MARK1: variants seen among roughly 807,000 people sequenced by gnomAD.
MARK1 encodes microtubule affinity regulating kinase 1, also known as serine/threonine-protein kinase MARK1.
MARK1 carries 40 observed loss-of-function variants against 96.3 expected under a neutral mutation model. The ratio of observed to expected loss-of-function variants is 0.42; its 90% CI spans 0.32 to 0.54. MARK1 has a LOEUF of 0.54. MARK1 is among the 20% of genes least tolerant of loss of function. MARK1 has a pLI of 0.16. For synonymous variants in MARK1, 317 were observed against 341.2 expected, an observed-to-expected ratio of 0.93 and a Z score of 0.78; for missense variants, 719 against 984.6, an observed-to-expected ratio of 0.73 and a Z score of 3.61.
intron 1 of MARK1, among the ~76,000 whole-genome samples, chr1:220,531,911 C>CT (rs975163391): frequency 6.6e-6 from 1 of 151,926 alleles, no homozygotes. Flanking sequence ...AAAGATTTCT[C>CT]TTTTTTTCTT....
At chr1:220,652,226 G>A in intron 15 of MARK1, 76 bp downstream of exon 15, 1 of 1,215,346 alleles carries the variant, frequency 8.2e-7, no homozygotes, top group Non-Finnish European at 1.2e-6. Context: ...ATACATGATA[G>A]TCACCATCAC....
At chr1:220,616,909 A>G (rs762588298) in intron 7 of MARK1, among the ~76,000 whole-genome samples, 4 of 152,192 alleles carry the variant, frequency 2.6e-5, no homozygotes, top group Admixed American at 6.5e-5. Context: ...AAAAATAATC[A>G]TGTTCAAAAC....
rs1337856487 is a variant in MARK1, at chr1:220,654,915, G to A, written c.1988+1563G>A. Among the ~76,000 whole-genome samples, 3 of 152,328 alleles carry A rather than the reference G, an allele frequency of 2.0e-5. No individual in the cohort carries two copies. The highest frequency in any genetic ancestry group is 4.1e-4 in the South Asian group (2 of 4,828). ...TGCCAAAGCAAGAAAGTGCCTTAGA[G>A]CTGGTCTGTTGGGAGGTTCTGATAA... On this transcript the variant is annotated intron_variant, in intron 16 of 17. Coordinates refer to ENST00000366917, the MANE Select transcript of MARK1 (RefSeq NM_018650.5). The surrounding 1 kb of genome is among the most constrained non-coding windows in gnomAD (Gnocchi z 4.0).
At chr1:220,641,331 C>T (rs910965110) in intron 13 of MARK1, among the ~76,000 whole-genome samples, 32 of 152,142 alleles carry the variant, frequency 2.1e-4, no homozygotes, top group African/African-American at 7.7e-4. Flanking sequence ...AGGGCCCTCA[C>T]GAATGGGATT....
At chr1:220,530,582 G>T (rs1477485573) in intron 1 of MARK1, among the ~76,000 whole-genome samples, 1 of 152,112 alleles carries the variant, frequency 6.6e-6, no homozygotes, top group Non-Finnish European at 1.5e-5. Context: ...TCTCATACTT[G>T]TATGAATAAG....
chr1:220,546,330 T>A (rs1661489753), intron 1 of MARK1, among the ~76,000 whole-genome samples: 1 of 152,174 alleles, frequency 6.6e-6, no homozygotes, highest in African/African-American at 2.4e-5. Flanking sequence ...TTCACTGTGG[T>A]GGTATGTATT....
intron 2 of MARK1, 134 bp from the exon 3 acceptor site, chr1:220,580,931 A>G (rs1572118177): frequency 8.3e-6 from 3 of 360,608 alleles, no homozygotes; most frequent in Non-Finnish European, 5.2e-6. Flanking sequence ...AAATGTTACT[A>G]TCTGATTATG....
chr1:220,648,358 A>T (rs1428748910), intron 13 of MARK1, among the ~76,000 whole-genome samples: 2 of 152,220 alleles, frequency 1.3e-5, no homozygotes, highest in Non-Finnish European at 2.9e-5. Context: ...TGATAACTAG[A>T]TCTTTTTTAT....
At chr1:220,626,510 G>A (rs1667343885) in intron 9 of MARK1, 3 of 525,284 alleles carry the variant, frequency 5.7e-6, no homozygotes, top group Non-Finnish European at 1.2e-5. Flanking sequence ...GACTGGTTAG[G>A]TTGCTTCAAT....
chr1:220,605,971 A>G (rs1472062004), intron 6 of MARK1, among the ~76,000 whole-genome samples: 2 of 152,168 alleles, frequency 1.3e-5, no homozygotes, highest in Admixed American at 6.5e-5. Flanking sequence ...GCCACAATAA[A>G]CATATGTGTG....
rs200437468 is a variant in MARK1, at chr1:220,618,269, G to A, written c.553-41G>A. 81 of 1,228,754 alleles carry A rather than the reference G, an allele frequency of 6.6e-5. 1 individual carries two copies. The East Asian group carries it at 8.9e-4, about 13-fold the overall frequency. 76.1% of individuals were successfully genotyped at this position (1,228,754 alleles called of 1,614,324 possible). ...TCTTTTACAAATATTTTTATTTTAT[G>A]TAGGCTTTTTACATTGTTCTTTCTA... On this transcript the variant is annotated intron_variant, in intron 7 of 17. Transcript: ENST00000366917. This position sits in a 1 kb window ranked among gnomAD's most constrained non-coding sequence, Gnocchi z 4.6.
In MARK1 at chr1:220,663,119, A is replaced by G. The variant is rs1402914164; in HGVS notation, c.*953A>G. On this transcript the variant is annotated 3_prime_UTR_variant, in exon 18 of 18. Coordinates refer to ENST00000366917, the MANE Select transcript of MARK1 (RefSeq NM_018650.5). ...AATGCATCAGTTAAGAAATAATGCC[A>G]CCTCAGGAATTAACTGGCATTGGGA... The G allele has an allele frequency of 6.6e-6, 1 of 152,626 alleles. No homozygotes were observed. Among genetic ancestry groups the G allele is most frequent in the Non-Finnish European group, 1.5e-5 (1 of 68,034 alleles). The allele number at this position is 152,626 out of a possible 1,614,324, so 9.5% of individuals were successfully genotyped here.
intron 3 of MARK1, among the ~76,000 whole-genome samples, chr1:220,598,052 T>G (rs1665493279): frequency 6.6e-6 from 1 of 152,160 alleles, no homozygotes; most frequent in Non-Finnish European, 1.5e-5. Context: ...AGTTTTACTG[T>G]GTATAGTGTA....
intron 6 of MARK1, among the ~76,000 whole-genome samples, chr1:220,604,809 G>A (rs1452092831): frequency 6.6e-6 from 1 of 151,988 alleles, no homozygotes. Flanking sequence ...TAGCAAATTA[G>A]TGAATTGTAA....
rs1558327650 is a variant in MARK1, at chr1:220,654,220, AT to A, written c.1988+869del. On this transcript the variant is annotated intron_variant, in intron 16 of 17. Transcript: ENST00000366917. The surrounding 1 kb of genome is among the most constrained non-coding windows in gnomAD (Gnocchi z 4.0). Reference sequence around the variant, plus strand: ...TCCAGAGGAAGACACAATTGTTTCTATCTAGGGAGACAGTGAAGGCACCCTA... The same window carrying A: ...TCCAGAGGAAGACACAATTGTTTCTACTAGGGAGACAGTGAAGGCACCCTA... Among the ~76,000 whole-genome samples, 1 of 152,252 alleles carries A rather than the reference AT, an allele frequency of 6.6e-6. No individual in the cohort carries two copies. The highest frequency in any genetic ancestry group is 1.5e-5 in the Non-Finnish European group (1 of 68,040).
At chr1:220,554,457 A>C (rs1352400203) in intron 1 of MARK1, among the ~76,000 whole-genome samples, 1 of 152,182 alleles carries the variant, frequency 6.6e-6, no homozygotes, top group Non-Finnish European at 1.5e-5. Context: ...ATGCTGTTAC[A>C]CTTCTTATAA....
chr1:220,578,040 A>G (rs1309795495), intron 1 of MARK1, among the ~76,000 whole-genome samples: 1 of 152,224 alleles, frequency 6.6e-6, no homozygotes, highest in South Asian at 2.1e-4. Flanking sequence ...TGGTAAATGG[A>G]TTCCTCTTTA....
intron 1 of MARK1, among the ~76,000 whole-genome samples, chr1:220,534,381 G>A (rs1307029870): frequency 6.6e-6 from 1 of 151,914 alleles, no homozygotes; most frequent in East Asian, 1.9e-4. Flanking sequence ...TTGAACACGA[G>A]GTCTTTTTCC....
At chr1:220,571,094 A>G (rs1663421074) in intron 1 of MARK1, among the ~76,000 whole-genome samples, 1 of 152,210 alleles carries the variant, frequency 6.6e-6, no homozygotes, top group South Asian at 2.1e-4. Flanking sequence ...TTTGTAATTA[A>G]GTTACATTTT....
Sources: allele counts gnomAD v4.1 joint callset (sites outside exome capture counted in the v4.1 genomes callset), GRCh38; gene constraint gnomAD v4.1.1; non-coding constraint Gnocchi (gnomAD v3.1); transcripts MANE v1.5; gene names NCBI Gene and HGNC (gene_info 2026-07-23, HGNC 2026-07-21).